FBXO40: variants seen among roughly 807,000 people sequenced by gnomAD.
FBXO40 encodes the protein F-box only protein 40.
In FBXO40, 50 loss-of-function variants were observed where a neutral mutation model predicts 49.9. The ratio of observed to expected loss-of-function variants is 1.00; its 90% confidence interval spans 0.80 to 1.27. The LOEUF (loss-of-function observed/expected upper bound fraction) is 1.27. Ranked by LOEUF, FBXO40 falls within the 50% of genes most tolerant of loss-of-function variation. FBXO40 has a pLI of 0.00. For synonymous variants in FBXO40, 340 were observed against 320.2 expected (o/e 1.06, Z -0.66); for missense variants, 895 against 870.1 (o/e 1.03, Z -0.36).
chr3:121,624,055 A>G (rs2049049364), intron 3 of FBXO40, among the ~76,000 whole-genome samples: 1 of 142,420 alleles, frequency 7.0e-6, no homozygotes, highest in Non-Finnish European at 1.5e-5. Context: ...CAATGGTGCA[A>G]TCTCAGCTCA....
In FBXO40 at chr3:121,593,439, A is replaced by G. The variant is rs1047833463; in HGVS notation, c.-94A>G. ...GATGCAACCCAGCCACCTCCCGGCAATCCGCTTACTTGCAATCAAGGGTTC... is the reference window on the plus strand; with the variant it reads ...GATGCAACCCAGCCACCTCCCGGCAGTCCGCTTACTTGCAATCAAGGGTTC... On this transcript the variant is annotated 5_prime_UTR_variant, in exon 1 of 4. Transcript: ENST00000338040. 6.6e-6 allele frequency: 1 copy of G among 152,384 alleles called. No homozygotes were observed. Among genetic ancestry groups the G allele is most frequent in the African/African-American group, 2.4e-5 (1 of 41,458 alleles). The allele number at this position is 152,384 out of a possible 1,614,324, so 9.4% of individuals were successfully genotyped here.
intron 1 of FBXO40, among the ~76,000 whole-genome samples, chr3:121,613,453 G>C (rs757096360): frequency 2.6e-5 from 4 of 152,218 alleles, no homozygotes; most frequent in African/African-American, 4.8e-5. Flanking sequence ...GGGATCCCCT[G>C]ACAAAACTAT....
At chr3:121,595,460 T>C (rs1168915844) in intron 1 of FBXO40, among the ~76,000 whole-genome samples, 3 of 152,202 alleles carry the variant, frequency 2.0e-5, no homozygotes, top group African/African-American at 4.8e-5. Context: ...TTTAATAGAA[T>C]AGTACTGATA....
chr3:121,622,748 C>G lies in FBXO40; in HGVS notation c.1319C>G (p.Ser440Cys). The G allele has an allele frequency of 6.2e-7, 1 of 1,614,192 alleles. No homozygotes were observed. Among genetic ancestry groups the G allele is most frequent in the Non-Finnish European group, 8.5e-7 (1 of 1,180,036 alleles). The change falls in exon 3 of 4, where the codon TCT becomes TGT. Residue 440 changes from serine (S) to cysteine (C), a missense_variant. Ser to Cys is a moderately radical substitution (Grantham distance 112, BLOSUM62 -1). Coordinates refer to ENST00000338040, the MANE Select transcript of FBXO40 (RefSeq NM_016298.4). ...TYNFEPEQFSSGTVLADLTAA... is the reference protein window; with the variant it reads ...TYNFEPEQFSCGTVLADLTAA... ...AACTTTGAGCCAGAACAGTTTTCCTCTGGGACAGTGCTGGCTGACCTAACC... is the reference window on the plus strand; with the variant it reads ...AACTTTGAGCCAGAACAGTTTTCCTGTGGGACAGTGCTGGCTGACCTAACC...
chr3:121,614,531 C>T (rs1419914843), intron 1 of FBXO40, among the ~76,000 whole-genome samples: 5 of 152,086 alleles, frequency 3.3e-5, no homozygotes, highest in African/African-American at 9.7e-5. Context: ...GGCAGCAAGC[C>T]GACAGGAGAC....
rs1222176728 is a variant in FBXO40 at position 121,621,485 on chromosome 3, T to TCAA, written c.58_60dup (p.Asn20dup). On this transcript the variant is annotated inframe_insertion, in exon 3 of 4. Coordinates refer to ENST00000338040, the MANE Select transcript of FBXO40 (RefSeq NM_016298.4). Reference sequence around the variant, plus strand: ...CACCACAGGCATTGTGAGGGATGCTTCAACCGCCACTGCCACATTCCTGTG... The same window carrying TCAA: ...CACCACAGGCATTGTGAGGGATGCTTCAACAACCGCCACTGCCACATTCCTGTG... The TCAA allele has an allele frequency of 1.2e-6, 2 of 1,614,204 alleles. No individual in the cohort carries two copies. The highest frequency in any genetic ancestry group is 2.2e-5 in the East Asian group (1 of 44,880).
chr3:121,600,742 T>C (rs1159098898), intron 1 of FBXO40, among the ~76,000 whole-genome samples: 2 of 152,234 alleles, frequency 1.3e-5, no homozygotes, highest in Non-Finnish European at 2.9e-5. Flanking sequence ...ATTCATAAAT[T>C]GGAAATGGTA....
chr3:121,594,208 A>T (rs1477411362), intron 1 of FBXO40, among the ~76,000 whole-genome samples: 2 of 144,034 alleles, frequency 1.4e-5, no homozygotes, highest in Non-Finnish European at 3.0e-5. Context: ...ATTCATTGTT[A>T]TTATTTTTTT....
chr3:121,593,671 C>T (rs1043382030), intron 1 of FBXO40, among the ~76,000 whole-genome samples, 169 bp downstream of exon 1: 1 of 152,104 alleles, frequency 6.6e-6, no homozygotes. Context: ...GAGATCCAGC[C>T]GTGTGTAAAT....
In FBXO40 at chr3:121,629,045, A is replaced by C. The variant is rs2049078619; in HGVS notation, c.*2135A>C. On this transcript the variant is annotated 3_prime_UTR_variant, in exon 4 of 4. Transcript: ENST00000338040. ...AAAGAATTTAGCCAACAAAAGAAAC[A>C]ATCTAGTCAATCTGGGTGCTTTTAT... 1 of 152,172 alleles carries C rather than the reference A, an allele frequency of 6.6e-6. No individual in the cohort carries two copies. The highest frequency in any genetic ancestry group is 2.4e-5 in the African/African-American group (1 of 41,424). The allele number at this position is 152,172 out of a possible 1,614,324, so 9.4% of individuals were successfully genotyped here.
intron 1 of FBXO40, among the ~76,000 whole-genome samples, chr3:121,599,201 C>T (rs1303758410): frequency 1.3e-5 from 2 of 152,094 alleles, no homozygotes; most frequent in African/African-American, 4.8e-5. Flanking sequence ...GGGGTGGTGG[C>T]TCACACCTGT....
At chr3:121,594,176 C>A (rs140959414) in intron 1 of FBXO40, among the ~76,000 whole-genome samples, 7 of 150,354 alleles carry the variant, frequency 4.7e-5, no homozygotes, top group African/African-American at 7.3e-5. Flanking sequence ...CCCAGAATTT[C>A]TATTATTTAT....
At chr3:121,615,746 C>T (rs1427259981) in intron 1 of FBXO40, among the ~76,000 whole-genome samples, 1 of 152,166 alleles carries the variant, frequency 6.6e-6, no homozygotes, top group African/African-American at 2.4e-5. Context: ...AAGGGCTGCA[C>T]TCTCAGGACA....
chr3:121,619,223 G>A (rs2049016323), intron 1 of FBXO40, among the ~76,000 whole-genome samples: 1 of 151,542 alleles, frequency 6.6e-6, no homozygotes, highest in Non-Finnish European at 1.5e-5. Flanking sequence ...TTCTCAGACT[G>A]GTCTTGAACT....
At chr3:121,613,753 A>T (rs2048981185) in intron 1 of FBXO40, among the ~76,000 whole-genome samples, 1 of 152,222 alleles carries the variant, frequency 6.6e-6, no homozygotes, top group South Asian at 2.1e-4. Flanking sequence ...GTACAAAAAG[A>T]CTAGATCCTG....
rs575639626 is a variant in FBXO40, at chr3:121,598,235, G to A, written c.-31+4733G>A. ...CAAGACCAGAGCAAAGTGCATAAGG[G>A]TGGGAGGTCAGGCAAAAGAGCAAGC... On this transcript the variant is annotated intron_variant, in intron 1 of 3. Coordinates refer to ENST00000338040, the MANE Select transcript of FBXO40 (RefSeq NM_016298.4). Among the ~76,000 whole-genome samples the A allele has an allele frequency of 3.9e-5, 6 of 152,330 alleles. No individual in the cohort carries two copies. In the South Asian group the frequency reaches 1.0e-3, roughly 26 times the overall value.
At position 121,628,182 on chromosome 3, in the gene FBXO40, TC is replaced by T. The variant is rs2049073506; in HGVS notation, c.*1273del. On this transcript the variant is annotated 3_prime_UTR_variant, in exon 4 of 4. Transcript: ENST00000338040. ...AAATGGATAATTCTTTTTTTTTTTTTCTAGGTGGGGAGGGGATGGAGTTCAC... is the reference window on the plus strand; with the variant it reads ...AAATGGATAATTCTTTTTTTTTTTTTTAGGTGGGGAGGGGATGGAGTTCAC... 1 of 287,718 alleles carries T rather than the reference TC, an allele frequency of 3.5e-6. No homozygotes were observed. The highest frequency in any genetic ancestry group is 6.4e-6 in the Non-Finnish European group (1 of 156,368). The allele number at this position is 287,718 out of a possible 1,614,324, so 17.8% of individuals were successfully genotyped here.
At chr3:121,595,464 A>G (rs922730096) in intron 1 of FBXO40, among the ~76,000 whole-genome samples, 4 of 152,216 alleles carry the variant, frequency 2.6e-5, no homozygotes, top group South Asian at 4.1e-4. Context: ...ATAGAATAGT[A>G]CTGATACAAA....
chr3:121,598,647 G>C (rs567722670), intron 1 of FBXO40, among the ~76,000 whole-genome samples: 1 of 152,346 alleles, frequency 6.6e-6, no homozygotes, highest in African/African-American at 2.4e-5. Flanking sequence ...CACCGGGTGA[G>C]CAAGGATGAT....
Sources: gnomAD v4.1 joint callset for allele counts (sites outside exome capture counted in the v4.1 genomes callset) on GRCh38, gnomAD v4.1.1 for gene constraint, MANE v1.5 for transcripts, NCBI Gene and HGNC (gene_info 2026-07-23, HGNC 2026-07-21) for gene names.